Variants in RPS6KA2 observed in about 807,000 individuals in gnomAD.
RPS6KA2 encodes the protein ribosomal protein S6 kinase A2.
In RPS6KA2, 42 loss-of-function variants were observed where a neutral mutation model predicts 91.8. The observed-to-expected ratio is 0.46, with a 90% CI of 0.36 to 0.59. The LOEUF is 0.59. Among genes scored for constraint, RPS6KA2 ranks in the 20% least tolerant of loss-of-function variants. The probability of loss-of-function intolerance (pLI) is 0.00; values close to 1 mark genes in which losing one functional copy is unlikely to be tolerated. For missense variants in RPS6KA2, 798 were observed against 978.5 expected, an observed-to-expected ratio of 0.82 and a Z score of 2.46; for synonymous variants, 414 against 393.6, an observed-to-expected ratio of 1.05 and a Z score of -0.61.
Position 166,545,451 on chromosome 6 carries a change from T to G in RPS6KA2, c.100-6667A>C, listed in dbSNP as rs140231572. Among the ~76,000 whole-genome samples, 877 of 152,248 alleles carry G rather than the reference T, an allele frequency of 5.8e-3. 10 individuals carry two copies. The highest frequency in any genetic ancestry group is 0.02 in the African/African-American group (824 of 41,528). ...TCTCCGTTAAGCTACTCACTGAAGC[T>G]CCTCGGAACTGAGGCTGGGCTAATG... On this transcript the variant is annotated intron_variant, in intron 1 of 20. Coordinates refer to ENST00000265678, the MANE Select transcript of RPS6KA2 (RefSeq NM_021135.6).
chr6:166,542,357 T>C (rs1783687254), intron 1 of RPS6KA2: 1 of 152,238 alleles, frequency 6.6e-6, no homozygotes, highest in Admixed American at 6.5e-5. Flanking sequence ...GATGAGGATT[T>C]GCATGCAATG....
Position 166,418,584 on chromosome 6 carries a change from C to A in RPS6KA2, c.1821-242G>T, listed in dbSNP as rs577751197. On this transcript the variant is annotated intron_variant, in intron 18 of 20. Coordinates refer to ENST00000265678, the MANE Select transcript of RPS6KA2 (RefSeq NM_021135.6). The surrounding 1 kb of genome is among the most constrained non-coding windows in gnomAD (Gnocchi z 4.9). ...GTGGGAGAGCCCTGTGAGACCTGTG[C>A]TGTATCCCCTCCGGACCCAGGTAAA... Among the ~76,000 whole-genome samples, 55 of 152,324 alleles carry A rather than the reference C, an allele frequency of 3.6e-4. No individual in the cohort carries two copies. The highest frequency in any genetic ancestry group is 1.0e-3 in the African/African-American group (43 of 41,566).
intron 12 of RPS6KA2, among the ~76,000 whole-genome samples, chr6:166,458,935 G>C (rs1033748425): frequency 6.6e-6 from 1 of 152,174 alleles, no homozygotes; most frequent in African/African-American, 2.4e-5. Context: ...GATGAAATTT[G>C]CTAGACCCCA....
At chr6:166,590,871 C>CATCAAAAA (rs1785333793) in intron 1 of RPS6KA2, among the ~76,000 whole-genome samples, 1 of 152,082 alleles carries the variant, frequency 6.6e-6, no homozygotes, top group African/African-American at 2.4e-5. Context: ...AAAGACACGA[C>CATCAAAAA]TTAGAGTAAG....
intron 12 of RPS6KA2, 121 bp from the exon 13 acceptor site, chr6:166,451,354 T>TGC: frequency 8.9e-7 from 1 of 1,119,088 alleles, no homozygotes; most frequent in South Asian, 1.4e-5. Context: ...TGTGTGTGTG[T>TGC]GTGTGCACGT....
upstream of RPS6KA2, among the ~76,000 whole-genome samples, chr6:166,631,463 T>C (rs1582965696): frequency 6.6e-6 from 1 of 152,200 alleles, no homozygotes; most frequent in African/African-American, 2.4e-5. Context: ...TCACAGAAGG[T>C]GGGCTTCACC....
rs6902127 is a variant in RPS6KA2 at position 166,452,640 on chromosome 6, C to T, written c.1076-1407G>A. ...GTATAAACATAGACACACAGATTAA[C>T]GGAACAGAATAGAAAACCCAGAAAT... On this transcript the variant is annotated intron_variant, in intron 12 of 20. Transcript: ENST00000265678. Among the ~76,000 whole-genome samples the T allele has an allele frequency of 4.1e-3, 628 of 152,122 alleles. 7 individuals are homozygous for T. Among genetic ancestry groups the T allele is most frequent in the African/African-American group, 0.014 (593 of 41,500 alleles).
chr6:166,578,009 C>T (rs1784890729), intron 1 of RPS6KA2, among the ~76,000 whole-genome samples: 1 of 152,132 alleles, frequency 6.6e-6, no homozygotes, highest in Non-Finnish European at 1.5e-5. Flanking sequence ...TCCGCTTTTG[C>T]TTCTTTCTCA....
At chr6:166,792,806 C>G (rs1164368581) in intron 2 of RPS6KA2, among the ~76,000 whole-genome samples, 2 of 152,148 alleles carry the variant, frequency 1.3e-5, no homozygotes, top group East Asian at 1.9e-4. Context: ...ATTAAACAGC[C>G]CTTCATGCTA....
intron 2 of RPS6KA2, among the ~76,000 whole-genome samples, chr6:166,743,427 C>T (rs115322941): frequency 0.015 from 2,324 of 152,300 alleles, 60 homozygotes; most frequent in African/African-American, 0.051. Context: ...CCAATTTCAG[C>T]GACTTTAGCC....
At chr6:166,776,049 C>T (rs1440800378) in intron 2 of RPS6KA2, among the ~76,000 whole-genome samples, 1 of 152,162 alleles carries the variant, frequency 6.6e-6, no homozygotes, top group Non-Finnish European at 1.5e-5. Flanking sequence ...CTCTCCCCAG[C>T]CACAGCGGTG....
chr6:166,788,995 G>T (rs890477822), intron 2 of RPS6KA2, among the ~76,000 whole-genome samples: 1 of 152,166 alleles, frequency 6.6e-6, no homozygotes, highest in Non-Finnish European at 1.5e-5. Context: ...TCACTAGGGA[G>T]TGCCAGACAG....
At chr6:166,416,620 T>G (rs1299315993) in intron 19 of RPS6KA2, among the ~76,000 whole-genome samples, 2 of 150,450 alleles carry the variant, frequency 1.3e-5, no homozygotes, top group Non-Finnish European at 3.0e-5. Flanking sequence ...CTGTCATCCC[T>G]CCACCATCAG....
chr6:166,723,699 C>CTTTTT (rs10637819), intron 2 of RPS6KA2, among the ~76,000 whole-genome samples: 14 of 146,222 alleles, frequency 9.6e-5, no homozygotes, highest in African/African-American at 3.8e-4. Context: ...TTTTTCTTTT[C>CTTTTT]TTTTCTTTTT....
chr6:166,606,033 G>C (rs1307850726), intron 1 of RPS6KA2, among the ~76,000 whole-genome samples: 1 of 152,156 alleles, frequency 6.6e-6, no homozygotes, highest in African/African-American at 2.4e-5. Context: ...TCTACAAGAG[G>C]GCAAAGGCAG....
intron 1 of RPS6KA2, among the ~76,000 whole-genome samples, chr6:166,573,989 C>T (rs1363344734): frequency 6.6e-6 from 1 of 152,228 alleles, no homozygotes; most frequent in South Asian, 2.1e-4. Flanking sequence ...TCAGTCCTAA[C>T]AGCTCACAAT....
rs1786876152 is a variant in RPS6KA2 at position 166,626,376 on chromosome 6, C to T, written c.99+545G>A. 6.6e-6 allele frequency among the ~76,000 whole-genome samples: 1 copy of T among 152,256 alleles called. No homozygotes were observed. Among genetic ancestry groups the T allele is most frequent in the Non-Finnish European group, 1.5e-5 (1 of 68,036 alleles). ...CTTTACTCCTGAACGCCGTTTTAGA[C>T]GCCTAAGCAGATTGTGCTGCTGCCT... is the stretch of plus-strand genomic sequence containing the variant. On this transcript the variant is annotated intron_variant, in intron 1 of 20. Transcript: ENST00000265678. The surrounding 1 kb of genome is among the most constrained non-coding windows in gnomAD (Gnocchi z 4.1).
At chr6:166,529,808 C>A (rs1406160809) in intron 3 of RPS6KA2, among the ~76,000 whole-genome samples, 1 of 152,136 alleles carries the variant, frequency 6.6e-6, no homozygotes, top group South Asian at 2.1e-4. Flanking sequence ...CCTCTCCCCG[C>A]CCCCAAACAC....
intron 2 of RPS6KA2, among the ~76,000 whole-genome samples, chr6:166,760,100 T>TA: frequency 6.6e-6 from 1 of 152,344 alleles, no homozygotes; most frequent in African/African-American, 2.4e-5. Flanking sequence ...TACACAGGAA[T>TA]AAAAACGGAA....
Sources: allele counts gnomAD v4.1 joint callset (sites outside exome capture counted in the v4.1 genomes callset), GRCh38; gene constraint gnomAD v4.1.1; non-coding constraint Gnocchi (gnomAD v3.1); transcripts MANE v1.5; gene names NCBI Gene and HGNC (gene_info 2026-07-23, HGNC 2026-07-21).